The following DPH6 variants were observed in gnomAD, a reference collection of about 807,000 sequenced individuals.
DPH6 encodes diphthine--ammonia ligase.
A neutral mutation model predicts 38.2 loss-of-function variants in DPH6; 33 were observed. The ratio of observed to expected loss-of-function variants is 0.86; its 90% confidence interval spans 0.65 to 1.15. DPH6 has a LOEUF of 1.15. Among genes scored for constraint, DPH6 ranks in the 50% most tolerant of loss-of-function variants. DPH6 has a pLI of 0.00. For synonymous variants in DPH6, 108 were observed against 103.0 expected (o/e 1.05, Z -0.30); for missense variants, 325 against 320.0 (o/e 1.02, Z -0.12).
chr15:35,411,918 G>GA (rs1471703191), intron 5 of DPH6, among the ~76,000 whole-genome samples: 2 of 151,442 alleles, frequency 1.3e-5, no homozygotes, highest in East Asian at 3.9e-4. Context: ...CCTATAACAG[G>GA]AAAAAAATCT....
chr15:35,462,595 C>T (rs2141108041), intron 3 of DPH6, among the ~76,000 whole-genome samples: 1 of 152,328 alleles, frequency 6.6e-6, no homozygotes, highest in South Asian at 2.1e-4. Flanking sequence ...TCCCTCACTT[C>T]TTCCAGGTCT....
chr15:35,335,356 T>C (rs1169317834), intron 3 of DPH6, among the ~76,000 whole-genome samples: 1 of 152,106 alleles, frequency 6.6e-6, no homozygotes, highest in Non-Finnish European at 1.5e-5. Context: ...GTTTACTTTG[T>C]TGATAGTTTT....
At chr15:35,339,218 C>T (rs1011553019) in intron 3 of DPH6, among the ~76,000 whole-genome samples, 10 of 151,240 alleles carry the variant, frequency 6.6e-5, no homozygotes, top group African/African-American at 1.9e-4. Context: ...ATAAATTTCC[C>T]TCTTAACACT....
chr15:35,384,440 G>GA (rs2052916490), intron 6 of DPH6, among the ~76,000 whole-genome samples: 1 of 152,100 alleles, frequency 6.6e-6, no homozygotes, highest in African/African-American at 2.4e-5. Flanking sequence ...AGTATAGAGA[G>GA]AACTTCAAGG....
At chr15:35,400,802 G>C in intron 6 of DPH6, 1 of 759,812 alleles carries the variant, frequency 1.3e-6, no homozygotes, top group Non-Finnish European at 2.4e-6. Context: ...GAGCAATGGG[G>C]AATGCTCACG....
the DPH6 span, among the ~76,000 whole-genome samples, chr15:35,152,373 T>TA: frequency 1.1e-4 from 16 of 152,088 alleles, no homozygotes; most frequent in African/African-American, 2.9e-4. Flanking sequence ...ATCAGCATAT[T>TA]AAAAAAAACT....
intron 3 of DPH6, among the ~76,000 whole-genome samples, chr15:35,507,979 A>G (rs2054717760): frequency 6.6e-6 from 1 of 152,098 alleles, no homozygotes; most frequent in South Asian, 2.1e-4. Context: ...ATACACTCCG[A>G]TTTTGTTAAG....
the DPH6 span, among the ~76,000 whole-genome samples, chr15:35,192,986 T>A: frequency 6.6e-6 from 1 of 152,224 alleles, no homozygotes. Flanking sequence ...TATAAACTAA[T>A]GCTTGTAACT....
At chr15:35,398,269 C>T (rs558841189) in intron 6 of DPH6, among the ~76,000 whole-genome samples, 2 of 152,214 alleles carry the variant, frequency 1.3e-5, no homozygotes, top group South Asian at 4.2e-4. Context: ...TGAGGTGACC[C>T]TTGGTGGGCT....
At chr15:35,405,462 C>T (rs2053278996) in intron 6 of DPH6, among the ~76,000 whole-genome samples, 1 of 151,946 alleles carries the variant, frequency 6.6e-6, no homozygotes, top group African/African-American at 2.4e-5. Context: ...TTATTTGTGG[C>T]TATTGTAAAT....
At chr15:35,506,259 T>TA (rs993474205) in intron 3 of DPH6, among the ~76,000 whole-genome samples, 6 of 151,994 alleles carry the variant, frequency 3.9e-5, no homozygotes, top group Non-Finnish European at 8.8e-5. Context: ...AATGTTTTTT[T>TA]AAAAAAAACT....
At chr15:35,182,335 T>C in the DPH6 span, among the ~76,000 whole-genome samples, 1 of 149,808 alleles carries the variant, frequency 6.7e-6, no homozygotes. Context: ...GACTATATTA[T>C]TACCAAAAGT....
the DPH6 span, among the ~76,000 whole-genome samples, chr15:35,147,162 C>A: frequency 6.6e-6 from 1 of 152,040 alleles, no homozygotes; most frequent in African/African-American, 2.4e-5. Flanking sequence ...CTCTAACAAT[C>A]CTATGAATAG....
intron 3 of DPH6, among the ~76,000 whole-genome samples, chr15:35,256,197 A>T (rs1348842623): frequency 1.3e-5 from 2 of 152,148 alleles, no homozygotes; most frequent in Non-Finnish European, 2.9e-5. Context: ...TCTAAAGCAC[A>T]TATTTAATTC....
At chr15:35,161,717 TCTCA>T in the DPH6 span, among the ~76,000 whole-genome samples, 5 of 151,720 alleles carry the variant, frequency 3.3e-5, no homozygotes, top group Non-Finnish European at 7.4e-5. Flanking sequence ...TCTCTCTCAT[TCTCA>T]CTCTTTCTCT....
chr15:35,500,341 T>C (rs2054610348), intron 3 of DPH6, among the ~76,000 whole-genome samples: 1 of 152,132 alleles, frequency 6.6e-6, no homozygotes, highest in South Asian at 2.1e-4. Context: ...TACTCTCGCC[T>C]TGCAAATGTT....
downstream of DPH6, among the ~76,000 whole-genome samples, chr15:35,215,877 G>A (rs2051408881): frequency 6.6e-6 from 1 of 152,208 alleles, no homozygotes; most frequent in Non-Finnish European, 1.5e-5. Context: ...CGGCAAACCT[G>A]GGACACAATT....
intron 3 of DPH6, among the ~76,000 whole-genome samples, chr15:35,363,470 CAT>C (rs903865655): frequency 5.3e-5 from 8 of 152,072 alleles, no homozygotes; most frequent in Admixed American, 1.3e-4. Context: ...TTGCATGGCA[CAT>C]GTTTTCACAC....
At chr15:35,206,552 T>A in the DPH6 span, among the ~76,000 whole-genome samples, 2 of 152,176 alleles carry the variant, frequency 1.3e-5, no homozygotes, top group African/African-American at 4.8e-5. Context: ...ACTTAGTAAG[T>A]GCCTGCTCCA....
Sources: allele counts gnomAD v4.1 joint callset (sites outside exome capture counted in the v4.1 genomes callset), GRCh38; gene constraint gnomAD v4.1.1; transcripts MANE v1.5; gene names NCBI Gene and HGNC (gene_info 2026-07-23, HGNC 2026-07-21).